Variants in TBX15 observed in about 807,000 individuals in gnomAD.
TBX15 encodes the protein T-box transcription factor TBX15.
TBX15 carries 18 observed loss-of-function variants against 53.9 expected under a neutral mutation model. That is an observed-to-expected ratio of 0.33 (90% CI 0.23 to 0.49). The LOEUF (loss-of-function observed/expected upper bound fraction) is 0.49. Ranked by LOEUF, TBX15 falls within the 20% of genes least tolerant of loss-of-function variation. The probability of loss-of-function intolerance (pLI) is 0.98; values close to 1 mark genes in which losing one functional copy is unlikely to be tolerated. For missense variants in TBX15, 692 were observed against 749.5 expected (o/e 0.92, Z 0.90); for synonymous variants, 295 against 278.0 (o/e 1.06, Z -0.61).
chr1:118,901,499 CAAG>C, intron 6 of TBX15: 1 of 443,742 alleles, frequency 2.3e-6, no homozygotes, highest in South Asian at 1.6e-5. Flanking sequence ...TCATAATAGG[CAAG>C]AAGACTGTGA....
At position 118,884,544 on chromosome 1, in the gene TBX15, T is replaced by C. The variant is rs1653851029; in HGVS notation, c.*188A>G. On this transcript the variant is annotated 3_prime_UTR_variant, in exon 8 of 8. Coordinates refer to ENST00000369429, the MANE Select transcript of TBX15 (RefSeq NM_001330677.2). ...GGCCACTGAGTTGCGGATGATTCTA[T>C]CGCAAGTATCCTTCACTGGCTTAAA... 1.4e-6 allele frequency: 1 copy of C among 695,424 alleles called. No homozygotes were observed. Among genetic ancestry groups the C allele is most frequent in the South Asian group, 2.0e-5 (1 of 50,818 alleles). 43.1% of individuals were successfully genotyped at this position (695,424 alleles called of 1,614,324 possible).
chr1:118,924,426 G>A lies in TBX15; in HGVS notation c.693+220C>T, dbSNP rs529903513. Among the ~76,000 whole-genome samples, 13 of 152,296 alleles carry A rather than the reference G, an allele frequency of 8.5e-5. No homozygotes were observed. The South Asian group carries it at 1.5e-3, about 17-fold the overall frequency. Reference sequence around the variant, plus strand: ...CTCTGGAGCACAAGGACTTTGTCTGGTAAACACAACTTGATGTATAACAGA... The same window carrying A: ...CTCTGGAGCACAAGGACTTTGTCTGATAAACACAACTTGATGTATAACAGA... On this transcript the variant is annotated intron_variant, in intron 4 of 7. Coordinates refer to ENST00000369429, the MANE Select transcript of TBX15 (RefSeq NM_001330677.2).
chr1:118,900,157 A>T (rs901816141), intron 6 of TBX15, among the ~76,000 whole-genome samples: 1 of 152,170 alleles, frequency 6.6e-6, no homozygotes, highest in Non-Finnish European at 1.5e-5. Flanking sequence ...AGAGAGGAGA[A>T]GTGTGGGACC....
chr1:118,939,407 CAAAAAAAAAAAA>C (rs869094141), intron 1 of TBX15, among the ~76,000 whole-genome samples: 3 of 8,884 alleles, frequency 3.4e-4, no homozygotes, highest in African/African-American at 8.5e-4. Context: ...GATCTAGTCT[CAAAAAAAAAAAA>C]AAAAAAAAAA....
At chr1:118,922,029 A>G (rs1280835296) in intron 5 of TBX15, among the ~76,000 whole-genome samples, 2 of 152,202 alleles carry the variant, frequency 1.3e-5, no homozygotes, top group Non-Finnish European at 2.9e-5. Flanking sequence ...TCCTGGGGGA[A>G]AGACCCGAGG....
chr1:118,893,653 G>A (rs943481031), intron 7 of TBX15, among the ~76,000 whole-genome samples: 4 of 150,046 alleles, frequency 2.7e-5, no homozygotes, highest in Non-Finnish European at 4.4e-5. Context: ...AAGGGAGGGA[G>A]GGAAGGAAGG....
At chr1:118,962,467 C>A (rs959400891) in intron 1 of TBX15, among the ~76,000 whole-genome samples, 5 of 152,062 alleles carry the variant, frequency 3.3e-5, no homozygotes, top group Non-Finnish European at 7.4e-5. Flanking sequence ...CAACAACACC[C>A]CCTTCTGTAT....
intron 5 of TBX15, among the ~76,000 whole-genome samples, chr1:118,920,344 T>C (rs749686267): frequency 6.6e-6 from 1 of 152,080 alleles, no homozygotes; most frequent in Non-Finnish European, 1.5e-5. Context: ...GGAATGGTAT[T>C]TTCACTGAAT....
At chr1:118,913,845 T>C (rs1333556233) in intron 6 of TBX15, among the ~76,000 whole-genome samples, 1 of 152,216 alleles carries the variant, frequency 6.6e-6, no homozygotes, top group African/African-American at 2.4e-5. Flanking sequence ...CTTTTAATGA[T>C]AATAAATTAC....
chr1:118,906,083 A>G (rs1240238984), intron 6 of TBX15, among the ~76,000 whole-genome samples: 3 of 152,232 alleles, frequency 2.0e-5, no homozygotes, highest in African/African-American at 4.8e-5. Context: ...TGGAGATAAA[A>G]ATGGACAACT....
At chr1:118,951,317 G>C (rs2101656224) in intron 1 of TBX15, among the ~76,000 whole-genome samples, 1 of 152,268 alleles carries the variant, frequency 6.6e-6, no homozygotes, top group East Asian at 1.9e-4. Context: ...CTAAATTCTT[G>C]GGATACACAA....
At chr1:118,960,984 A>T (rs1361168941) in intron 1 of TBX15, among the ~76,000 whole-genome samples, 1 of 152,232 alleles carries the variant, frequency 6.6e-6, no homozygotes, top group Non-Finnish European at 1.5e-5. Context: ...AGGCAGCAGC[A>T]GTAGCAGGAA....
At chr1:118,973,951 A>G (rs970541679) in intron 1 of TBX15, among the ~76,000 whole-genome samples, 3 of 152,200 alleles carry the variant, frequency 2.0e-5, no homozygotes, top group Admixed American at 6.5e-5. Flanking sequence ...TGGGTAACGC[A>G]CAGTTGTACC....
chr1:118,917,525 T>A (rs899795167), intron 5 of TBX15, among the ~76,000 whole-genome samples: 1 of 152,180 alleles, frequency 6.6e-6, no homozygotes, highest in Admixed American at 6.5e-5. Context: ...CACATTTACC[T>A]ATGAAACAAA....
intron 1 of TBX15, among the ~76,000 whole-genome samples, chr1:118,977,964 A>G (rs1657493641): frequency 6.6e-6 from 1 of 152,232 alleles, no homozygotes. Flanking sequence ...CCAGTGATGA[A>G]GTTGCTTTTT....
chr1:118,910,083 C>T (rs1356896033), intron 6 of TBX15, among the ~76,000 whole-genome samples: 1 of 152,078 alleles, frequency 6.6e-6, no homozygotes, highest in Non-Finnish European at 1.5e-5. Context: ...GCTGTGTCCT[C>T]CCCATCTTTC....
At chr1:118,960,237 A>G (rs1241048295) in intron 1 of TBX15, among the ~76,000 whole-genome samples, 1 of 152,144 alleles carries the variant, frequency 6.6e-6, no homozygotes. Flanking sequence ...TGACTTTCCA[A>G]CTAAGTACAT....
intron 1 of TBX15, among the ~76,000 whole-genome samples, chr1:118,957,788 A>G (rs1178021264): frequency 6.6e-6 from 1 of 152,202 alleles, no homozygotes; most frequent in Non-Finnish European, 1.5e-5. Context: ...ATGTCCCTAC[A>G]AAGGACATGA....
intron 1 of TBX15, among the ~76,000 whole-genome samples, chr1:118,960,640 G>T (rs577139352): frequency 5.9e-5 from 9 of 152,318 alleles, no homozygotes; most frequent in Admixed American, 5.9e-4. Context: ...AAAGCACAAG[G>T]TTTAATTTAT....
Sources: gnomAD v4.1 joint callset for allele counts (sites outside exome capture counted in the v4.1 genomes callset) on GRCh38, gnomAD v4.1.1 for gene constraint, MANE v1.5 for transcripts, NCBI Gene and HGNC (gene_info 2026-07-23, HGNC 2026-07-21) for gene names.